GRIP1: variants seen among roughly 807,000 people sequenced by gnomAD.
GRIP1 encodes the protein glutamate receptor interacting protein 1.
GRIP1 carries 45 observed loss-of-function variants against 129.9 expected under a neutral mutation model. That is an observed-to-expected ratio of 0.35 (90% CI 0.27 to 0.44). The LOEUF is 0.44. Ranked by LOEUF, GRIP1 falls within the 20% of genes least tolerant of loss-of-function variation. GRIP1 has a pLI of 1.00. For synonymous variants in GRIP1, 530 were observed against 520.8 expected (o/e 1.02, Z -0.24); for missense variants, 1,196 against 1,396.8 (o/e 0.86, Z 2.29).
chr12:66,879,831 A>AT (rs755104683), intron 1 of GRIP1, among the ~76,000 whole-genome samples: 102 of 152,222 alleles, frequency 6.7e-4, no homozygotes, highest in Non-Finnish European at 1.0e-3. Flanking sequence ...GCTTATGGGC[A>AT]ATTGAAATAC....
chr12:66,561,766 G>A (rs116783847), intron 2 of GRIP1, among the ~76,000 whole-genome samples: 3,071 of 152,130 alleles, frequency 0.02, 108 homozygotes, highest in African/African-American at 0.07. Context: ...AGGTGCCAGC[G>A]ATCGTAAGGC....
chr12:66,629,588 T>C (rs1045857242), intron 1 of GRIP1, among the ~76,000 whole-genome samples: 8 of 152,186 alleles, frequency 5.3e-5, no homozygotes, highest in African/African-American at 1.9e-4. Context: ...CAGAAGTCAA[T>C]TTCTGGAAGG....
At chr12:66,461,872 CT>C (rs2059146503) in intron 9 of GRIP1, among the ~76,000 whole-genome samples, 1 of 152,180 alleles carries the variant, frequency 6.6e-6, no homozygotes, top group South Asian at 2.1e-4. Context: ...CATTATCCTC[CT>C]TCAGGCCACC....
chr12:66,852,615 C>T (rs2039934634), intron 1 of GRIP1, among the ~76,000 whole-genome samples: 1 of 150,712 alleles, frequency 6.6e-6, no homozygotes, highest in Non-Finnish European at 1.5e-5. Flanking sequence ...TATAACATTC[C>T]ATCAATTAAA....
intron 1 of GRIP1, among the ~76,000 whole-genome samples, chr12:66,913,668 G>A (rs1024805629): frequency 6.6e-6 from 1 of 152,060 alleles, no homozygotes; most frequent in Admixed American, 6.6e-5. Flanking sequence ...ATAATAATGT[G>A]ACAACATAAT....
intron 1 of GRIP1, among the ~76,000 whole-genome samples, chr12:66,664,855 G>A (rs1028535561): frequency 2.0e-5 from 3 of 151,962 alleles, no homozygotes; most frequent in Non-Finnish European, 2.9e-5. Flanking sequence ...TAATGGTACA[G>A]GAGAGTAAAA....
At chr12:66,752,831 T>C (rs1400395508) in intron 1 of GRIP1, among the ~76,000 whole-genome samples, 2 of 152,118 alleles carry the variant, frequency 1.3e-5, no homozygotes, top group African/African-American at 2.4e-5. Flanking sequence ...ATTATAATCT[T>C]ACTAAAAAAA....
intron 1 of GRIP1, among the ~76,000 whole-genome samples, chr12:66,830,638 A>G (rs1236720629): frequency 1.3e-5 from 2 of 152,150 alleles, no homozygotes; most frequent in African/African-American, 4.8e-5. Flanking sequence ...TGTTTTTATA[A>G]AGTCACTAAG....
intron 5 of GRIP1, among the ~76,000 whole-genome samples, chr12:66,527,514 G>T (rs1296984560): frequency 6.6e-6 from 1 of 152,014 alleles, no homozygotes; most frequent in South Asian, 2.1e-4. Flanking sequence ...TCACACTCCG[G>T]GGAGTGTTGT....
rs145569854 is a variant in GRIP1 at position 66,861,664 on chromosome 12, G to A, written c.58+207386C>T. Among the ~76,000 whole-genome samples, 163 of 152,150 alleles carry A rather than the reference G, an allele frequency of 1.1e-3. 1 individual carries two copies. The highest frequency in any genetic ancestry group is 3.8e-3 in the African/African-American group (156 of 41,526). ...CTTATTACCACTGAAGTTTACATGA[G>A]TATTGTCTTCATCAATAAAATAATA... On this transcript the variant is annotated intron_variant, in intron 1 of 1. Coordinates refer to the GRIP1 transcript ENST00000643019.
intron 4 of GRIP1, among the ~76,000 whole-genome samples, chr12:66,534,043 G>A (rs987434575): frequency 6.6e-6 from 1 of 152,120 alleles, no homozygotes; most frequent in South Asian, 2.1e-4. Flanking sequence ...TGGATGGCCT[G>A]TTTCTGCTCT....
chr12:66,558,430 A>T (rs906074399), intron 2 of GRIP1, among the ~76,000 whole-genome samples: 3 of 152,216 alleles, frequency 2.0e-5, no homozygotes, highest in East Asian at 1.9e-4. Flanking sequence ...TGATTCAATT[A>T]TCTCCCACTG....
In GRIP1 at chr12:66,664,057, G is replaced by A. The variant is rs145193656; in HGVS notation, c.55+14793C>T. The stretch of plus-strand genomic sequence containing the variant: ...ATTTATTTTCTATCAAACTTCTAAG[G>A]GTCTTTAATATGCTAATATGGTTTT... On this transcript the variant is annotated intron_variant, in intron 1 of 24. Transcript: ENST00000359742. Among the ~76,000 whole-genome samples, 71 of 152,048 alleles carry A rather than the reference G, an allele frequency of 4.7e-4. 2 individuals carry two copies. In the East Asian group the frequency reaches 0.01, roughly 22 times the overall value.
At chr12:67,005,065 T>C (rs763568052) in intron 1 of GRIP1, among the ~76,000 whole-genome samples, 2 of 151,790 alleles carry the variant, frequency 1.3e-5, no homozygotes, top group Non-Finnish European at 2.9e-5. Context: ...CTTTTGTCAC[T>C]GTGGGCAGGA....
chr12:66,570,481 G>T (rs1035566283), intron 2 of GRIP1, among the ~76,000 whole-genome samples: 3 of 152,170 alleles, frequency 2.0e-5, no homozygotes, highest in African/African-American at 7.2e-5. Context: ...CCCATCTTCA[G>T]TTATGCTAGT....
At chr12:66,984,782 T>C (rs555943060) in intron 1 of GRIP1, among the ~76,000 whole-genome samples, 25 of 152,296 alleles carry the variant, frequency 1.6e-4, no homozygotes, top group African/African-American at 5.5e-4. Context: ...GCCCCTCTTA[T>C]AGAGATGTTA....
chr12:67,033,174 C>T (rs561739823), intron 1 of GRIP1, among the ~76,000 whole-genome samples: 1 of 151,150 alleles, frequency 6.6e-6, no homozygotes, highest in South Asian at 2.1e-4. Context: ...TTATTCCTAG[C>T]TATATATAAT....
rs574812760 is a variant in GRIP1, at chr12:66,514,807, T to A, written c.724+812A>T. The stretch of plus-strand genomic sequence containing the variant: ...TGAGAAATAAAGGAGTATGCAGTTA[T>A]AGAGTAAGCCTCTTTTTCTCAGCTA... On this transcript the variant is annotated intron_variant, in intron 7 of 24. Coordinates refer to ENST00000359742, the MANE Select transcript of GRIP1 (RefSeq NM_001366722.1). Among the ~76,000 whole-genome samples, 8 of 152,284 alleles carry A rather than the reference T, an allele frequency of 5.3e-5. No homozygotes were observed. In the South Asian group the frequency reaches 1.7e-3, roughly 32 times the overall value.
chr12:66,982,777 C>A (rs1019707036), intron 1 of GRIP1, among the ~76,000 whole-genome samples: 6 of 152,108 alleles, frequency 3.9e-5, no homozygotes, highest in Non-Finnish European at 1.5e-5. Flanking sequence ...GACACAGGCA[C>A]CCAGCTAAGC....
Sources: allele counts gnomAD v4.1 joint callset (sites outside exome capture counted in the v4.1 genomes callset), GRCh38; gene constraint gnomAD v4.1.1; transcripts MANE v1.5; gene names NCBI Gene and HGNC (gene_info 2026-07-23, HGNC 2026-07-21).